The following PKIG variants were observed in gnomAD, a reference collection of about 807,000 sequenced individuals.
The protein encoded by PKIG is cAMP-dependent protein kinase inhibitor gamma, also known as protein kinase (cAMP-dependent, catalytic) inhibitor gamma.
PKIG carries 1 observed loss-of-function variant against 6.8 expected under a neutral mutation model. That is an observed-to-expected ratio of 0.15 (90% CI 0.05 to 0.69). The LOEUF is 0.69. Among genes scored for constraint, PKIG ranks in the 30% least tolerant of loss-of-function variants. PKIG has a pLI of 0.82. For missense variants in PKIG, 77 were observed against 104.0 expected (o/e 0.74, Z 1.13); for synonymous variants, 39 against 43.0 (o/e 0.91, Z 0.36).
chr20:44,598,968 TGTG>T (rs2065097341), intron 2 of PKIG: 2 of 152,188 alleles, frequency 1.3e-5, no homozygotes, highest in Admixed American at 1.3e-4. Context: ...AAGAGTAGAA[TGTG>T]GTGGTAGAAT....
chr20:44,608,041 G>T (rs997114694), intron 2 of PKIG, among the ~76,000 whole-genome samples: 1 of 151,844 alleles, frequency 6.6e-6, no homozygotes, highest in Non-Finnish European at 1.5e-5. Flanking sequence ...AGGAGAAAAA[G>T]GGGGAACATA....
chr20:44,539,768 ATT>A (rs925003835), intron 1 of PKIG, among the ~76,000 whole-genome samples: 4 of 151,768 alleles, frequency 2.6e-5, no homozygotes, highest in African/African-American at 9.7e-5. Context: ...TGTGTGTGTG[ATT>A]TTTTTTCTTC....
In PKIG at chr20:44,614,835, C is replaced by T. The variant is rs533947087; in HGVS notation, c.151+128C>T. Reference sequence around the variant, plus strand: ...AAACCACATTTAAGTCAGGCCTGCCCCATGGTCAGTGGCAGAGTCCAGCAA... The same window carrying T: ...AAACCACATTTAAGTCAGGCCTGCCTCATGGTCAGTGGCAGAGTCCAGCAA... On this transcript the variant is annotated intron_variant, in intron 3 of 3. Coordinates refer to ENST00000372886, the MANE Select transcript of PKIG (RefSeq NM_001281445.2). This position sits in a 1 kb window ranked among gnomAD's most constrained non-coding sequence, Gnocchi z 4.6. 3 of 934,272 alleles carry T rather than the reference C, an allele frequency of 3.2e-6. No individual in the cohort carries two copies. The highest frequency in any genetic ancestry group is 2.6e-5 in the Admixed American group (1 of 38,018). The allele number at this position is 934,272 out of a possible 1,614,324, so 57.9% of individuals were successfully genotyped here. A position where few individuals can be genotyped will look rare whatever the true frequency, so the allele number is the denominator to read the frequency against.
intron 1 of PKIG, among the ~76,000 whole-genome samples, chr20:44,532,226 T>TA (rs547435702): frequency 1.7e-4 from 26 of 150,346 alleles, no homozygotes; most frequent in Admixed American, 6.0e-4. Context: ...GAAAGTTTCT[T>TA]AAAAAAAAAA....
intron 1 of PKIG, among the ~76,000 whole-genome samples, chr20:44,534,039 T>A (rs2064491233): frequency 6.6e-6 from 1 of 152,028 alleles, no homozygotes; most frequent in Admixed American, 6.6e-5. Flanking sequence ...GAGTGGGATG[T>A]GAGAAAGACA....
intron 1 of PKIG, among the ~76,000 whole-genome samples, chr20:44,535,102 A>G (rs1443747036): frequency 6.6e-6 from 1 of 152,264 alleles, no homozygotes; most frequent in Non-Finnish European, 1.5e-5. Flanking sequence ...ATGTAATTGT[A>G]GGAGAACTGA....
intron 1 of PKIG, among the ~76,000 whole-genome samples, chr20:44,577,301 TTG>T (rs1275592610): frequency 6.6e-6 from 1 of 151,914 alleles, no homozygotes; most frequent in Non-Finnish European, 1.5e-5. Context: ...GCTAATTTTT[TTG>T]TGTTTTTTTT....
chr20:44,592,119 T>G lies in PKIG; in HGVS notation c.-24+2253T>G, dbSNP rs1188914366. 7.2e-5 allele frequency among the ~76,000 whole-genome samples: 11 copies of G among 152,342 alleles called. No homozygotes were observed. The South Asian group carries it at 2.3e-3, about 32-fold the overall frequency. On this transcript the variant is annotated intron_variant, in intron 2 of 3. Coordinates refer to ENST00000372886, the MANE Select transcript of PKIG (RefSeq NM_001281445.2). ...CAGATGTGATAAGCACTTACATCCT[T>G]CTCAGCCTCATTTAGTTTGATCTTA...
At chr20:44,613,324 C>T (rs1337552609) in intron 2 of PKIG, among the ~76,000 whole-genome samples, 1 of 152,096 alleles carries the variant, frequency 6.6e-6, no homozygotes, top group Admixed American at 6.6e-5. Context: ...CGCCACCACG[C>T]CCGGCTAATT....
At chr20:44,601,894 C>T (rs1697249081) in intron 2 of PKIG, among the ~76,000 whole-genome samples, 1 of 152,246 alleles carries the variant, frequency 6.6e-6, no homozygotes, top group Non-Finnish European at 1.5e-5. Context: ...GACCATGTAG[C>T]TCTTGGCAGA....
chr20:44,551,489 TC>T (rs1286574302), intron 1 of PKIG, among the ~76,000 whole-genome samples: 15 of 152,196 alleles, frequency 9.9e-5, no homozygotes, highest in Admixed American at 9.2e-4. Flanking sequence ...TACATGAGTA[TC>T]TTGATATTTA....
At position 44,606,936 on chromosome 20, in the gene PKIG, G is replaced by A. The variant is rs544887803; in HGVS notation, c.-23-7598G>A. 2.8e-4 allele frequency among the ~76,000 whole-genome samples: 42 copies of A among 152,324 alleles called. No homozygotes were observed. The South Asian group carries it at 5.4e-3, about 20-fold the overall frequency. On this transcript the variant is annotated intron_variant, in intron 2 of 3. Coordinates refer to ENST00000372886, the MANE Select transcript of PKIG (RefSeq NM_001281445.2). Reference sequence around the variant, plus strand: ...AGAGCAGGCCTCACCACAGGCTGGCGCCTTGATCTTGGACTTCCCAGCCTC... The same window carrying A: ...AGAGCAGGCCTCACCACAGGCTGGCACCTTGATCTTGGACTTCCCAGCCTC...
chr20:44,542,279 A>G (rs1054275467), intron 1 of PKIG, among the ~76,000 whole-genome samples: 5 of 152,170 alleles, frequency 3.3e-5, no homozygotes, highest in Admixed American at 6.5e-5. Context: ...TCATGAAGTC[A>G]TGTGAGAGTT....
chr20:44,586,212 C>T (rs900182114), intron 1 of PKIG, among the ~76,000 whole-genome samples: 2 of 152,108 alleles, frequency 1.3e-5, no homozygotes, highest in African/African-American at 4.8e-5. Context: ...GGGTGCCATG[C>T]GGATGAAATG....
intron 1 of PKIG, among the ~76,000 whole-genome samples, chr20:44,540,502 G>C (rs1233876815): frequency 2.6e-5 from 4 of 151,974 alleles, no homozygotes; most frequent in African/African-American, 9.7e-5. Flanking sequence ...AATTGAACTG[G>C]ATACATGAGT....
intron 1 of PKIG, among the ~76,000 whole-genome samples, chr20:44,549,696 A>G (rs924021053): frequency 6.6e-6 from 1 of 152,174 alleles, no homozygotes; most frequent in African/African-American, 2.4e-5. Flanking sequence ...ATGGTATCAC[A>G]TGCTTGTAGT....
chr20:44,552,251 A>G (rs759648884), intron 1 of PKIG, among the ~76,000 whole-genome samples: 12 of 152,216 alleles, frequency 7.9e-5, no homozygotes, highest in African/African-American at 2.4e-4. Flanking sequence ...TCAGGATACA[A>G]TCTAAATCAT....
intron 2 of PKIG, among the ~76,000 whole-genome samples, chr20:44,612,111 T>A (rs1352602920): frequency 6.6e-6 from 1 of 152,192 alleles, no homozygotes; most frequent in African/African-American, 2.4e-5. Flanking sequence ...CATACCAATG[T>A]CAGTTCTTTG....
intron 1 of PKIG, among the ~76,000 whole-genome samples, chr20:44,572,586 TG>T (rs1475120031): frequency 1.3e-5 from 2 of 152,118 alleles, no homozygotes; most frequent in Non-Finnish European, 2.9e-5. Flanking sequence ...GGAGGGAGTG[TG>T]TTTGATGAAA....
Sources: allele counts gnomAD v4.1 joint callset (sites outside exome capture counted in the v4.1 genomes callset), GRCh38; gene constraint gnomAD v4.1.1; non-coding constraint Gnocchi (gnomAD v3.1); transcripts MANE v1.5; gene names NCBI Gene and HGNC (gene_info 2026-07-23, HGNC 2026-07-21).